OVCH1: variants seen among roughly 807,000 people sequenced by gnomAD.
OVCH1 encodes the protein ovochymase 1, also known as ovochymase-1.
OVCH1 carries 139 observed loss-of-function variants against 138.4 expected under a neutral mutation model. The observed-to-expected ratio is 1.00, with a 90% CI of 0.87 to 1.16. OVCH1 has a LOEUF of 1.16. Among genes scored for constraint, OVCH1 ranks in the 50% most tolerant of loss-of-function variants. The probability of loss-of-function intolerance (pLI) is 0.00; values close to 1 mark genes in which losing one functional copy is unlikely to be tolerated. For synonymous variants in OVCH1, 453 were observed against 467.8 expected (o/e 0.97, Z 0.41); for missense variants, 1,367 against 1,357.9 (o/e 1.01, Z -0.11).
intron 19 of OVCH1, among the ~76,000 whole-genome samples, chr12:29,459,805 A>C (rs565181810): frequency 2.0e-5 from 3 of 152,300 alleles, no homozygotes; most frequent in Admixed American, 6.5e-5. Context: ...TAGAATAAAA[A>C]ATCTGAAAGC....
intron 25 of OVCH1, chr12:29,440,497 T>C (rs1941456699): frequency 6.8e-6 from 2 of 295,406 alleles, no homozygotes; most frequent in African/African-American, 4.5e-5. Flanking sequence ...ATAGGAATCA[T>C]AATAGATATT....
chr12:29,403,693 G>T, the OVCH1 span, among the ~76,000 whole-genome samples: 1 of 152,278 alleles, frequency 6.6e-6, no homozygotes, highest in East Asian at 1.9e-4. Context: ...CAATTGACGT[G>T]CCTGATAAAT....
downstream of OVCH1, among the ~76,000 whole-genome samples, chr12:29,410,254 T>C (rs965063914): frequency 6.9e-6 from 1 of 145,318 alleles, no homozygotes; most frequent in Non-Finnish European, 1.5e-5. Flanking sequence ...GGGTCTTGAC[T>C]CTTTATCCAA....
intron 16 of OVCH1, among the ~76,000 whole-genome samples, chr12:29,469,736 T>C (rs1175206537): frequency 6.7e-6 from 1 of 149,020 alleles, no homozygotes; most frequent in Non-Finnish European, 1.5e-5. Flanking sequence ...AAGTCGGGCA[T>C]GGTGGCATGT....
chr12:29,444,894 A>C (rs1049624642), intron 23 of OVCH1, among the ~76,000 whole-genome samples: 8 of 152,100 alleles, frequency 5.3e-5, no homozygotes, highest in African/African-American at 1.9e-4. Context: ...AGAAAATTCT[A>C]ATCAGAGATA....
At chr12:29,406,224 A>G in the OVCH1 span, among the ~76,000 whole-genome samples, 1 of 152,220 alleles carries the variant, frequency 6.6e-6, no homozygotes, top group Non-Finnish European at 1.5e-5. Flanking sequence ...ATATTCTTCA[A>G]TACATGTTTT....
intron 1 of OVCH1, among the ~76,000 whole-genome samples, chr12:29,497,277 A>C (rs1943444597): frequency 6.6e-6 from 1 of 152,010 alleles, no homozygotes; most frequent in Non-Finnish European, 1.5e-5. Context: ...AACAAACAAA[A>C]CAAAAGATAC....
chr12:29,435,185 C>T (rs947362597), intron 26 of OVCH1, among the ~76,000 whole-genome samples: 1 of 152,098 alleles, frequency 6.6e-6, no homozygotes, highest in East Asian at 1.9e-4. Flanking sequence ...CAAAATGAAA[C>T]ATTTTAGACA....
intron 27 of OVCH1, chr12:29,433,707 G>T: frequency 7.2e-7 from 1 of 1,397,104 alleles, no homozygotes; most frequent in South Asian, 1.4e-5. Context: ...GTTTAAATGT[G>T]AGATTTTTTT....
chr12:29,442,208 A>G (rs529382188), intron 25 of OVCH1, among the ~76,000 whole-genome samples: 14 of 152,086 alleles, frequency 9.2e-5, no homozygotes, highest in Non-Finnish European at 1.9e-4. Context: ...AATAGCAAAG[A>G]CTTGGAACCA....
intron 19 of OVCH1, chr12:29,461,594 A>G (rs1942132967): frequency 3.8e-6 from 2 of 520,916 alleles, no homozygotes; most frequent in African/African-American, 3.8e-5. Flanking sequence ...AAGCTCTGCC[A>G]TTTCCTGCCT....
downstream of OVCH1, among the ~76,000 whole-genome samples, chr12:29,412,128 TC>T (rs1184895298): frequency 6.6e-6 from 1 of 152,070 alleles, no homozygotes; most frequent in Non-Finnish European, 1.5e-5. Context: ...GGATATAATC[TC>T]CTGGTGCGCC....
At chr12:29,488,144 C>CTT (rs79855984) in intron 6 of OVCH1, among the ~76,000 whole-genome samples, 1 of 148,856 alleles carries the variant, frequency 6.7e-6, no homozygotes, top group Admixed American at 6.7e-5. Flanking sequence ...TCTTCCTCCT[C>CTT]TTTTTTTTTT....
At chr12:29,409,601 T>C (rs7485389), downstream of OVCH1, among the ~76,000 whole-genome samples, 46,784 of 151,682 alleles carry the variant, frequency 0.31, 8,521 homozygotes, top group Middle Eastern at 0.52. Context: ...GTTCAGTTTC[T>C]CTGTAGTTGA....
intron 16 of OVCH1, among the ~76,000 whole-genome samples, chr12:29,468,650 A>T (rs1942398586): frequency 6.6e-6 from 1 of 152,180 alleles, no homozygotes; most frequent in Non-Finnish European, 1.5e-5. Flanking sequence ...CGTTCAATGC[A>T]CTTTGATAGA....
intron 13 of OVCH1, among the ~76,000 whole-genome samples, 161 bp from the exon 14 acceptor site, chr12:29,475,350 A>G (rs1942668358): frequency 6.6e-6 from 1 of 152,202 alleles, no homozygotes; most frequent in South Asian, 2.1e-4. Flanking sequence ...TGTTAGTTTC[A>G]CAATAACAAT....
chr12:29,489,377 C>G (rs1040166597), intron 6 of OVCH1, among the ~76,000 whole-genome samples: 1 of 152,164 alleles, frequency 6.6e-6, no homozygotes, highest in Non-Finnish European at 1.5e-5. Flanking sequence ...CACGTTGAAA[C>G]TAACCCCTTT....
downstream of OVCH1, among the ~76,000 whole-genome samples, chr12:29,425,671 T>C (rs1168875818): frequency 6.6e-6 from 1 of 152,196 alleles, no homozygotes; most frequent in East Asian, 1.9e-4. Context: ...GAAGATAATG[T>C]AACCTACCTA....
rs534427541 is a variant in OVCH1 at position 29,418,591 on chromosome 12, T to C, written c.*71+4536A>G. Among the ~76,000 whole-genome samples, 3 of 152,160 alleles carry C rather than the reference T, an allele frequency of 2.0e-5. No homozygotes were observed. In the South Asian group the frequency reaches 6.2e-4, roughly 32 times the overall value. On this transcript the variant is annotated intron_variant and NMD_transcript_variant, in intron 3 of 4. Coordinates refer to the OVCH1 transcript ENST00000539117. The stretch of plus-strand genomic sequence containing the variant: ...GGCAAAGGTTCAAAATATAGAAGAG[T>C]TACCCATACAGACCAAATTCAATAC...
Sources: allele counts gnomAD v4.1 joint callset (sites outside exome capture counted in the v4.1 genomes callset), GRCh38; gene constraint gnomAD v4.1.1; transcripts MANE v1.5; gene names NCBI Gene and HGNC (gene_info 2026-07-23, HGNC 2026-07-21).